GIGYF2: variants seen among roughly 807,000 people sequenced by gnomAD.
GIGYF2 encodes the protein GRB10-interacting GYF protein 2.
In GIGYF2, 25 loss-of-function variants were observed where a neutral mutation model predicts 208.1. That is an observed-to-expected ratio of 0.12 (90% CI 0.09 to 0.17). GIGYF2 has a LOEUF of 0.17. Ranked by LOEUF, GIGYF2 falls within the 10% of genes least tolerant of loss-of-function variation. GIGYF2 has a pLI of 1.00. For synonymous variants in GIGYF2, 534 were observed against 543.8 expected (o/e 0.98, Z 0.25); for missense variants, 1,302 against 1,579.4 (o/e 0.82, Z 2.98).
At chr2:232,845,708 T>A (rs1361275871) in intron 25 of GIGYF2, 24 bp from the exon 26 acceptor site, 1 of 1,563,794 alleles carries the variant, frequency 6.4e-7, no homozygotes, top group Non-Finnish European at 8.8e-7. Context: ...GGGAATATAA[T>A]ATCACCCTAT....
intron 23 of GIGYF2, chr2:232,842,889 C>A (rs1054549743): frequency 6.6e-6 from 1 of 152,222 alleles, no homozygotes; most frequent in East Asian, 1.9e-4. Flanking sequence ...AATTGCCTAA[C>A]TGCACAGAGT....
intron 2 of GIGYF2, among the ~76,000 whole-genome samples, chr2:232,722,964 TG>T (rs528938692): frequency 6.6e-6 from 1 of 152,252 alleles, no homozygotes; most frequent in East Asian, 1.9e-4. Context: ...GTTTTTTTGT[TG>T]GTTTGTTTAT....
chr2:232,829,268 A>T (rs748428602), intron 21 of GIGYF2, among the ~76,000 whole-genome samples: 1 of 151,980 alleles, frequency 6.6e-6, no homozygotes, highest in African/African-American at 2.4e-5. Context: ...TTTACCTCTG[A>T]TTGTATTCCT....
rs1446790380 is a variant in GIGYF2, at chr2:232,697,352, G to A, written c.-150G>A. The stretch of plus-strand genomic sequence containing the variant: ...GGCCATCTTGTGTTGTTGAGGCTGA[G>A]GACTGACTGGGGTTCTGAGACTCCC... On this transcript the variant is annotated 5_prime_UTR_variant, in exon 1 of 29. Coordinates refer to ENST00000373563, the MANE Select transcript of GIGYF2 (RefSeq NM_001103146.3). 2.0e-5 allele frequency: 3 copies of A among 152,608 alleles called. No homozygotes were observed. Among genetic ancestry groups the A allele is most frequent in the South Asian group, 2.1e-4 (1 of 4,846 alleles). The allele number at this position is 152,608 out of a possible 1,614,324, so 9.5% of individuals were successfully genotyped here.
intron 1 of GIGYF2, among the ~76,000 whole-genome samples, chr2:232,702,674 G>T (rs796649710): frequency 1.1e-4 from 17 of 152,320 alleles, no homozygotes; most frequent in African/African-American, 4.1e-4. Context: ...TTAAAGGCAG[G>T]TTGTGATTTT....
intron 18 of GIGYF2, among the ~76,000 whole-genome samples, chr2:232,814,012 C>T (rs1051364743): frequency 2.9e-4 from 43 of 150,868 alleles, no homozygotes; most frequent in African/African-American, 1.0e-3. Context: ...CTCAGCCTCC[C>T]GAGTAGCTGG....
intron 2 of GIGYF2, among the ~76,000 whole-genome samples, chr2:232,732,012 G>T (rs1486274520): frequency 6.6e-6 from 1 of 152,016 alleles, no homozygotes; most frequent in African/African-American, 2.4e-5. Context: ...AAGATTTCTG[G>T]GTATTTAGAG....
At chr2:232,748,374 C>G (rs1289089412) in intron 4 of GIGYF2, among the ~76,000 whole-genome samples, 1 of 152,182 alleles carries the variant, frequency 6.6e-6, no homozygotes, top group Non-Finnish European at 1.5e-5. Context: ...CCTCTGCAAC[C>G]CAGGTTCAGG....
In GIGYF2 at chr2:232,836,764, A is replaced by G. The variant is rs149291149; in HGVS notation, c.2767-3085A>G. Among the ~76,000 whole-genome samples the G allele has an allele frequency of 2.0e-4, 31 of 152,132 alleles. No homozygotes were observed. The East Asian group carries it at 6.0e-3, about 29-fold the overall frequency. On this transcript the variant is annotated intron_variant, in intron 22 of 28. Coordinates refer to ENST00000373563, the MANE Select transcript of GIGYF2 (RefSeq NM_001103146.3). Reference sequence around the variant, plus strand: ...TCCTACAGTTTAGCCTGTATCTCCTATGAATCTACCAGTCTCCTCCTAATT... The same window carrying G: ...TCCTACAGTTTAGCCTGTATCTCCTGTGAATCTACCAGTCTCCTCCTAATT...
intron 22 of GIGYF2, among the ~76,000 whole-genome samples, chr2:232,836,540 T>C (rs1701644569): frequency 7.7e-6 from 1 of 129,748 alleles, no homozygotes; most frequent in African/African-American, 3.0e-5. Context: ...CACTCCAGCC[T>C]GGGTGACGGA....
chr2:232,700,515 G>C (rs2106238329), intron 1 of GIGYF2: 1 of 152,016 alleles, frequency 6.6e-6, no homozygotes, highest in Middle Eastern at 3.4e-3. Context: ...TTTTGACTTT[G>C]TTTGCAGTTC....
At chr2:232,744,526 T>C (rs550699803) in intron 3 of GIGYF2, among the ~76,000 whole-genome samples, 66 of 152,036 alleles carry the variant, frequency 4.3e-4, no homozygotes, top group African/African-American at 1.3e-3. Context: ...TTGTGTTTTT[T>C]TTTCTTTCTT....
chr2:232,819,945 A>T lies in GIGYF2; in HGVS notation c.2489A>T (p.Glu830Val), dbSNP rs1327472255. The T allele has an allele frequency of 2.5e-6, 4 of 1,601,612 alleles. No individual in the cohort carries two copies. The highest frequency in any genetic ancestry group is 3.4e-6 in the Non-Finnish European group (4 of 1,168,620). ...LRRLEERRRE[E>V]EERRKQEELL... ...AGACTGGAAGAGAGGAGAAGAGAAG[A>T]GGAAGAAAGGCGGAAGCAGGAAGAA... Residue 830 changes from glutamate (E) to valine (V), a missense_variant, in exon 21 of 29, where the codon GAG becomes GTG. By Grantham distance (121) the Glu-to-Val change is moderately radical. Around this residue, in one of 8 missense-constraint regions of GIGYF2, gnomAD observed 701 missense variants for 793.0 expected, o/e 0.88. Coordinates refer to ENST00000373563, the MANE Select transcript of GIGYF2 (RefSeq NM_001103146.3).
chr2:232,710,802 C>T (rs916554234), intron 2 of GIGYF2, among the ~76,000 whole-genome samples: 71 of 150,670 alleles, frequency 4.7e-4, no homozygotes, highest in African/African-American at 1.7e-3. Context: ...TGGGTTCAAG[C>T]GATTCTCCTG....
chr2:232,747,532 A>T (rs1698189452), intron 3 of GIGYF2, 83 bp from the exon 4 acceptor site: 3 of 1,474,592 alleles, frequency 2.0e-6, no homozygotes, highest in Non-Finnish European at 2.8e-6. Flanking sequence ...AAAGAACTAA[A>T]ATGAATTTTT....
chr2:232,807,938 T>C (rs1408178320), intron 15 of GIGYF2, among the ~76,000 whole-genome samples: 1 of 152,224 alleles, frequency 6.6e-6, no homozygotes, highest in African/African-American at 2.4e-5. Flanking sequence ...ATCAATTGTA[T>C]ATTGAGGGCC....
intron 7 of GIGYF2, 29 bp downstream of exon 7, chr2:232,760,620 AT>A: frequency 7.1e-7 from 1 of 1,411,302 alleles, no homozygotes; most frequent in South Asian, 1.2e-5. Flanking sequence ...TGGCATAAAA[AT>A]TTCTTGGCAT....
At chr2:232,790,287 T>C (rs1040789414) in intron 9 of GIGYF2, among the ~76,000 whole-genome samples, 1 of 152,186 alleles carries the variant, frequency 6.6e-6, no homozygotes, top group African/African-American at 2.4e-5. Context: ...AAGAAAATGC[T>C]TTAAGATTGG....
intron 8 of GIGYF2, among the ~76,000 whole-genome samples, chr2:232,779,602 C>A (rs1031029887): frequency 1.3e-5 from 2 of 152,180 alleles, no homozygotes; most frequent in African/African-American, 4.8e-5. Flanking sequence ...TACGAATTGC[C>A]TTCCCACAGA....
Sources: allele counts gnomAD v4.1 joint callset (sites outside exome capture counted in the v4.1 genomes callset), GRCh38; gene constraint gnomAD v4.1.1; regional missense constraint gnomAD v4.1.1; transcripts MANE v1.5; gene names NCBI Gene and HGNC (gene_info 2026-07-23, HGNC 2026-07-21).